ARHGAP33: variants seen among roughly 807,000 people sequenced by gnomAD.
ARHGAP33 encodes the protein Rho GTPase activating protein 33.
In ARHGAP33, 57 loss-of-function variants were observed where a neutral mutation model predicts 126.2. That is an observed-to-expected ratio of 0.45 (90% confidence interval 0.36 to 0.56). ARHGAP33 has a LOEUF of 0.56. Among genes scored for constraint, ARHGAP33 ranks in the 20% least tolerant of loss-of-function variants. The pLI is 0.00. For synonymous variants in ARHGAP33, 711 were observed against 755.0 expected, an observed-to-expected ratio of 0.94 and a Z score of 0.95; for missense variants, 1,500 against 1,748.3, an observed-to-expected ratio of 0.86 and a Z score of 2.53.
Position 35,787,902 on chromosome 19 carries a change from G to T in ARHGAP33, c.3337G>T (p.Asp1113Tyr). The T allele has an allele frequency of 6.9e-7, 1 of 1,444,634 alleles. No homozygotes were observed. The highest frequency in any genetic ancestry group is 1.7e-5 in the African/African-American group (1 of 57,560). 89.5% of individuals were successfully genotyped at this position (1,444,634 alleles called of 1,614,324 possible). ...GAGTCCCTTTCGCTCCATGCCCCCCGACAGGCTCAATGCCTCCTACGGCAT... is the reference window on the plus strand; with the variant it reads ...GAGTCCCTTTCGCTCCATGCCCCCCTACAGGCTCAATGCCTCCTACGGCAT... ...SWSPFRSMPP[D>Y]RLNASYGMLG... Residue 1113 changes from aspartate to tyrosine, a missense_variant, in exon 21 of 21, where the codon GAC (aspartate) becomes TAC (tyrosine). Physicochemically the swap from Asp to Tyr is radical, Grantham distance 160 (BLOSUM62 -3). Transcript: ENST00000007510.
In ARHGAP33 at chr19:35,785,123, G is replaced by C; in HGVS notation, c.1721+17G>C. ...TGCGGAAAGGTGAGTGGGATGCTGG[G>C]GGTGGCGAGGGGCAGGTGGAGGCCT... is the stretch of plus-strand genomic sequence containing the variant. On this transcript the variant is annotated intron_variant, in intron 17 of 20. Coordinates refer to ENST00000007510, the MANE Select transcript of ARHGAP33 (RefSeq NM_001366178.1). The C allele has an allele frequency of 1.9e-6, 3 of 1,590,642 alleles. No individual in the cohort carries two copies. Among genetic ancestry groups the C allele is most frequent in the Non-Finnish European group, 2.6e-6 (3 of 1,164,520 alleles).
rs774192048 is a variant in ARHGAP33 at position 35,780,748 on chromosome 19, G to A, written c.770-9G>A. The stretch of plus-strand genomic sequence containing the variant: ...ACTCATCCCTTCCACCCCATTTTTC[G>A]CCTAGCAGATGCCGATGGCCCCCCA... On this transcript the variant is annotated splice_polypyrimidine_tract_variant and intron_variant, in intron 9 of 20. Coordinates refer to ENST00000007510, the MANE Select transcript of ARHGAP33 (RefSeq NM_001366178.1). The A allele has an allele frequency of 7.6e-5, 123 of 1,613,528 alleles. 1 individual carries two copies. The South Asian group carries it at 9.3e-4, about 12-fold the overall frequency.
In ARHGAP33 at chr19:35,777,610, A is replaced by G; in HGVS notation, c.7-35A>G. The G allele has an allele frequency of 2.6e-6, 4 of 1,527,306 alleles. No homozygotes were observed. The South Asian group carries it at 3.6e-5, about 14-fold the overall frequency. 94.6% of individuals were successfully genotyped at this position (1,527,306 alleles called of 1,614,324 possible). A position where few individuals can be genotyped will look rare whatever the true frequency, so the allele number is the denominator to read the frequency against. On this transcript the variant is annotated intron_variant, in intron 1 of 20. Coordinates refer to ENST00000007510, the MANE Select transcript of ARHGAP33 (RefSeq NM_001366178.1). ...ATGCTCTCGTTGTCTCTTTGCTCCC[A>G]TCTCTGGGGGCCTCTGATTCTTTCT...
At position 35,787,233 on chromosome 19, in the gene ARHGAP33, C is replaced by T. The variant is rs1568433190; in HGVS notation, c.2668C>T (p.Pro890Ser). 1 of 1,609,066 alleles carries T rather than the reference C, an allele frequency of 6.2e-7. No individual in the cohort carries two copies. Among genetic ancestry groups the T allele is most frequent in the East Asian group, 2.2e-5 (1 of 44,826 alleles). ...TCTCCTGCGCCCTGGGGGTGCCCCACCCCCGCCCCCTAAGAACCCAGCACG... is the reference window on the plus strand; with the variant it reads ...TCTCCTGCGCCCTGGGGGTGCCCCATCCCCGCCCCCTAAGAACCCAGCACG... The part of the protein sequence containing the change: ...LSLLRPGGAP[P>S]PPPKNPARLM... Residue 890 changes from proline to serine, a missense_variant, in exon 21 of 21, where the codon CCC (proline) becomes TCC (serine). By Grantham distance (74) the Pro-to-Ser change is moderately conservative. Around this residue, in one of 6 missense-constraint regions of ARHGAP33, gnomAD observed 642 missense variants for 634.0 expected, o/e 1.01. Transcript: ENST00000007510.
Position 35,787,198 on chromosome 19 carries a change from C to T in ARHGAP33, c.2633C>T (p.Pro878Leu). Residue 878 changes from proline (P) to leucine (L), a missense_variant, in exon 21 of 21, where the codon CCT (proline) becomes CTT (leucine). Pro to Leu is a moderately conservative substitution (Grantham distance 98). This residue lies in a region of ARHGAP33 where 642 missense variants were observed against 634.0 expected (regional missense o/e 1.01). Transcript: ENST00000007510. ...GPDMESPLPP[P>L]PLSLLRPGGA... ...GATATGGAGTCACCACTGCCACCCC[C>T]TCCCCTGTCTCTCCTGCGCCCTGGG... is the stretch of plus-strand genomic sequence containing the variant. The T allele has an allele frequency of 1.2e-6, 2 of 1,611,040 alleles. No individual in the cohort carries two copies. Among genetic ancestry groups the T allele is most frequent in the Non-Finnish European group, 1.7e-6 (2 of 1,179,064 alleles).
At position 35,782,069 on chromosome 19, in the gene ARHGAP33, G is replaced by T. The variant is rs190812237; in HGVS notation, c.1086-304G>T. ...TTCCAGTGCCCTCTTACAGCCAGGAGAATGGCAGCTGCATGGTAGGAGCTG... is the reference window on the plus strand; with the variant it reads ...TTCCAGTGCCCTCTTACAGCCAGGATAATGGCAGCTGCATGGTAGGAGCTG... On this transcript the variant is annotated intron_variant, in intron 12 of 20. Coordinates refer to ENST00000007510, the MANE Select transcript of ARHGAP33 (RefSeq NM_001366178.1). This position sits in a 1 kb window ranked among gnomAD's most constrained non-coding sequence, Gnocchi z 4.1. Among the ~76,000 whole-genome samples the T allele has an allele frequency of 3.9e-5, 6 of 152,312 alleles. No individual in the cohort carries two copies. The East Asian group carries it at 1.2e-3, about 29-fold the overall frequency.
intron 3 of ARHGAP33, 25 bp from the exon 4 acceptor site, chr19:35,778,255 C>T (rs967965417): frequency 6.2e-7 from 1 of 1,613,542 alleles, no homozygotes; most frequent in Admixed American, 1.7e-5. Flanking sequence ...CAAAAGTCCA[C>T]CTGGGCCTTG....
At position 35,786,771 on chromosome 19, in the gene ARHGAP33, C is replaced by T. The variant is rs1462720025; in HGVS notation, c.2301C>T (p.Ala767=). The part of the protein sequence containing the change: ...PPASPAPPAP[A]SAFPPRVTPQ... ...CCAGCCCAGCACCCCCCGCCCCTGC[C>T]TCTGCCTTCCCACCCAGGGTGACCC... The change falls in exon 20 of 21, where the codon GCC becomes GCT. Residue 767 remains alanine, a synonymous_variant. Coordinates refer to ENST00000007510, the MANE Select transcript of ARHGAP33 (RefSeq NM_001366178.1). The surrounding 1 kb of genome is among the most constrained non-coding windows in gnomAD (Gnocchi z 7.0). 2.0e-6 allele frequency: 3 copies of T among 1,516,704 alleles called. No individual in the cohort carries two copies. In the African/African-American group the frequency reaches 4.1e-5, roughly 21 times the overall value. 94.0% of individuals were successfully genotyped at this position (1,516,704 alleles called of 1,614,324 possible). A position where few individuals can be genotyped will look rare whatever the true frequency, so the allele number is the denominator to read the frequency against.
At position 35,786,582 on chromosome 19, in the gene ARHGAP33, G is replaced by T; in HGVS notation, c.2112G>T (p.Gly704=). Reference sequence around the variant, plus strand: ...CTGAGTCCTCAGCAGCTGGGCTGGGGGCACTCTCTGGGTCTCCCTCACACC... The same window carrying T: ...CTGAGTCCTCAGCAGCTGGGCTGGGTGCACTCTCTGGGTCTCCCTCACACC... The part of the protein sequence containing the change: ...SSSESSAAGL[G]ALSGSPSHRT... The change falls in exon 20 of 21, where the codon GGG becomes GGT. Residue 704 remains glycine (G), a synonymous_variant. Transcript: ENST00000007510. The surrounding 1 kb of genome is among the most constrained non-coding windows in gnomAD (Gnocchi z 7.0). 6.5e-7 allele frequency: 1 copy of T among 1,535,982 alleles called. No individual in the cohort carries two copies. The highest frequency in any genetic ancestry group is 8.7e-7 in the Non-Finnish European group (1 of 1,146,820).
Position 35,784,222 on chromosome 19 carries a change from A to G in ARHGAP33, c.1472A>G (p.Glu491Gly). Residue 491 changes from glutamate to glycine, a missense_variant, in exon 16 of 21, where the codon GAA becomes GGA. Transcript: ENST00000007510. ...VGMGGAAAFR[E>G]VRVQSVVVEF... Reference sequence around the variant, plus strand: ...ATGGGTGGCGCGGCGGCGTTCCGGGAAGTTCGGGTGCAGTCGGTGGTGGTG... The same window carrying G: ...ATGGGTGGCGCGGCGGCGTTCCGGGGAGTTCGGGTGCAGTCGGTGGTGGTG... 6.2e-7 allele frequency: 1 copy of G among 1,611,606 alleles called. No homozygotes were observed. Among genetic ancestry groups the G allele is most frequent in the Non-Finnish European group, 8.5e-7 (1 of 1,178,676 alleles).
rs1285766557 is a variant in ARHGAP33, at chr19:35,788,064, C to T, written c.3499C>T (p.Pro1167Ser). The change falls in exon 21 of 21, where the codon CCC (proline) becomes TCC (serine). Residue 1167 changes from proline to serine, a missense_variant. Pro to Ser is a moderately conservative substitution (Grantham distance 74, BLOSUM62 -1). Transcript: ENST00000007510. Reference protein sequence around the residue: ...HPARRPTPPEPLYVNLALGPR... With the variant: ...HPARRPTPPESLYVNLALGPR... ...TGCTCGGCGCCCTACACCGCCTGAG[C>T]CCCTCTACGTCAACCTAGCTCTAGG... is the stretch of plus-strand genomic sequence containing the variant. The T allele has an allele frequency of 6.2e-7, 1 of 1,611,622 alleles. No individual in the cohort carries two copies. The highest frequency in any genetic ancestry group is 8.5e-7 in the Non-Finnish European group (1 of 1,179,178).
At chr19:35,779,486 A>C (rs1056992103) in intron 6 of ARHGAP33, among the ~76,000 whole-genome samples, 1 of 152,056 alleles carries the variant, frequency 6.6e-6, no homozygotes, top group Non-Finnish European at 1.5e-5. Flanking sequence ...GCTGGAGTGC[A>C]GTGGCATGAT....
chr19:35,785,513 A>C, intron 19 of ARHGAP33, 30 bp downstream of exon 19: 1 of 1,613,712 alleles, frequency 6.2e-7, no homozygotes, highest in Non-Finnish European at 8.5e-7. Context: ...GGGGGGCGCT[A>C]CCTGTGCCCA....
rs1972008872 is a variant in ARHGAP33 at position 35,784,729 on chromosome 19, C to A, written c.1568-224C>A. ...GAGGTAACTGAAGCCAGAGCCGCTG[C>A]CCTCGCTGGCTGCCGGGAGCTGCCT... On this transcript the variant is annotated intron_variant, in intron 16 of 20. Transcript: ENST00000007510. 3 of 1,340,786 alleles carry A rather than the reference C, an allele frequency of 2.2e-6. No homozygotes were observed. The Admixed American group carries it at 1.1e-4, about 51-fold the overall frequency. 83.1% of individuals were successfully genotyped at this position (1,340,786 alleles called of 1,614,324 possible).
chr19:35,783,994 G>A (rs1971949131), intron 15 of ARHGAP33, among the ~76,000 whole-genome samples, 178 bp from the exon 16 acceptor site: 1 of 151,914 alleles, frequency 6.6e-6, no homozygotes, highest in Non-Finnish European at 1.5e-5. Flanking sequence ...ACACTGAGAT[G>A]GGGAAGGCAG....
chr19:35,776,027 C>T (rs1971438407), intron 1 of ARHGAP33, among the ~76,000 whole-genome samples: 1 of 151,778 alleles, frequency 6.6e-6, no homozygotes, highest in Admixed American at 6.5e-5. Flanking sequence ...CATCCTTCTG[C>T]CAGCCCTCAG....
rs1451286770 is a variant in ARHGAP33 at position 35,786,459 on chromosome 19, C to T, written c.1989C>T (p.Asp663=). The change falls in exon 20 of 21, where the codon GAC becomes GAT. Residue 663 remains aspartate, a synonymous_variant. Transcript: ENST00000007510. The surrounding 1 kb of genome is among the most constrained non-coding windows in gnomAD (Gnocchi z 7.0). Reference sequence around the variant, plus strand: ...TGCGGCGACCCCACTCCAGCAGCGACGCTTTCCCTGTGGGCCCAGCACCTG... The same window carrying T: ...TGCGGCGACCCCACTCCAGCAGCGATGCTTTCCCTGTGGGCCCAGCACCTG... The part of the protein sequence containing the change: ...HRLRRPHSSS[D]AFPVGPAPAG... The T allele has an allele frequency of 4.6e-6, 7 of 1,535,830 alleles. No individual in the cohort carries two copies. The highest frequency in any genetic ancestry group is 3.9e-5 in the Admixed American group (2 of 50,978).
chr19:35,788,440 G>A lies in ARHGAP33; in HGVS notation c.*11G>A, dbSNP rs1972244821. The A allele has an allele frequency of 6.6e-7, 1 of 1,519,322 alleles. No individual in the cohort carries two copies. The highest frequency in any genetic ancestry group is 1.2e-5 in the South Asian group (1 of 80,548). The allele number at this position is 1,519,322 out of a possible 1,614,324, so 94.1% of individuals were successfully genotyped here. A position where few individuals can be genotyped will look rare whatever the true frequency, so the allele number is the denominator to read the frequency against. ...CGAAGCTACTGCTGAGCACCAGCTG[G>A]GAGGGGCCGTCCTTCCTTCCCTTCA... is the stretch of plus-strand genomic sequence containing the variant. On this transcript the variant is annotated 3_prime_UTR_variant, in exon 21 of 21. Coordinates refer to ENST00000007510, the MANE Select transcript of ARHGAP33 (RefSeq NM_001366178.1).
Position 35,777,847 on chromosome 19 carries a change from T to G in ARHGAP33, c.128T>G (p.Phe43Cys). The part of the protein sequence containing the change: ...GKRLSAPRGP[F>C]PRLADCAHFH... ...AGGCTCTCAGCTCCTCGAGGCCCCT[T>G]CCCGCGGCTGGCTGACTGCGCCCAT... Residue 43 changes from phenylalanine to cysteine, a missense_variant, in exon 3 of 21, where the codon TTC becomes TGC. Coordinates refer to ENST00000007510, the MANE Select transcript of ARHGAP33 (RefSeq NM_001366178.1). The G allele has an allele frequency of 6.2e-7, 1 of 1,614,208 alleles. No homozygotes were observed. Among genetic ancestry groups the G allele is most frequent in the Non-Finnish European group, 8.5e-7 (1 of 1,180,024 alleles).
Sources: allele counts gnomAD v4.1 joint callset (sites outside exome capture counted in the v4.1 genomes callset), GRCh38; gene constraint gnomAD v4.1.1; regional missense constraint gnomAD v4.1.1; non-coding constraint Gnocchi (gnomAD v3.1); transcripts MANE v1.5; gene names NCBI Gene and HGNC (gene_info 2026-07-23, HGNC 2026-07-21).